DDX60L: variants seen among roughly 807,000 people sequenced by gnomAD.
DDX60L encodes probable ATP-dependent RNA helicase DDX60-like.
DDX60L carries 191 observed loss-of-function variants against 211.6 expected under a neutral mutation model. The observed-to-expected ratio is 0.90, with a 90% CI of 0.80 to 1.02. The LOEUF is 1.02. DDX60L is among the 50% of genes least tolerant of loss of function. DDX60L has a pLI of 0.00. For synonymous variants in DDX60L, 706 were observed against 694.1 expected, an observed-to-expected ratio of 1.02 and a Z score of -0.27; for missense variants, 2,007 against 1,984.1, an observed-to-expected ratio of 1.01 and a Z score of -0.22.
At chr4:168,373,889 C>A in intron 34 of DDX60L, 81 bp from the exon 35 acceptor site, 1 of 1,399,492 alleles carries the variant, frequency 7.1e-7, no homozygotes, top group South Asian at 1.3e-5. Flanking sequence ...GTAGGTCAAG[C>A]CACAGTAGGT....
At chr4:168,375,774 A>C (rs1470801592) in intron 33 of DDX60L, among the ~76,000 whole-genome samples, 1 of 152,200 alleles carries the variant, frequency 6.6e-6, no homozygotes, top group Non-Finnish European at 1.5e-5. Context: ...TAATAGAAAC[A>C]TGTCCTACAC....
chr4:168,448,631 GTAC>G lies in DDX60L; in HGVS notation c.1138+4_1138+6del. 1 of 1,518,310 alleles carries G rather than the reference GTAC, an allele frequency of 6.6e-7. No individual in the cohort carries two copies. Among genetic ancestry groups the G allele is most frequent in the Non-Finnish European group, 9.0e-7 (1 of 1,113,308 alleles). 94.1% of individuals were successfully genotyped at this position (1,518,310 alleles called of 1,614,324 possible). A position where few individuals can be genotyped will look rare whatever the true frequency, so the allele number is the denominator to read the frequency against. ...TGATATAATGTTAATGCATATTCAG[GTAC>G]TACCTTGAGTACTTTCAAATTCATA... is the stretch of plus-strand genomic sequence containing the variant. On this transcript the variant is annotated splice_donor_5th_base_variant and intron_variant, in intron 9 of 37. Coordinates refer to ENST00000682922, the MANE Select transcript of DDX60L (RefSeq NM_001012967.3).
intron 1 of DDX60L, among the ~76,000 whole-genome samples, chr4:168,474,130 T>A (rs886508198): frequency 6.6e-6 from 1 of 152,156 alleles, no homozygotes; most frequent in African/African-American, 2.4e-5. Context: ...ATTTTAAATA[T>A]TTAAAAGTTA....
intron 5 of DDX60L, among the ~76,000 whole-genome samples, chr4:168,459,936 G>A (rs546333562): frequency 6.6e-6 from 1 of 151,840 alleles, no homozygotes; most frequent in Non-Finnish European, 1.5e-5. Flanking sequence ...CTAAAAGCAT[G>A]ACAAACATCT....
Position 168,430,521 on chromosome 4 carries a change from C to T in DDX60L, c.1634G>A (p.Arg545Gln), listed in dbSNP as rs763258755. 1.1e-5 allele frequency: 17 copies of T among 1,609,254 alleles called. No homozygotes were observed. The highest frequency in any genetic ancestry group is 4.5e-5 in the South Asian group (4 of 89,806). Residue 545 changes from arginine to glutamine, a missense_variant, in exon 13 of 38, where the codon CGG (arginine) becomes CAG (glutamine). Physicochemically the swap from Arg to Gln is conservative, Grantham distance 43 (BLOSUM62 1). Coordinates refer to ENST00000682922, the MANE Select transcript of DDX60L (RefSeq NM_001012967.3). ...STKVIVTQTT[R>Q]PKEDSSGASG... is the part of the protein sequence containing the mutation. ...GGCACCACTGGAATCCTCCTTTGGC[C>T]GAGTAGTTTGAGTCACAATGACTTT...
At chr4:168,405,916 A>G in intron 24 of DDX60L, 34 bp downstream of exon 24, 1 of 1,524,688 alleles carries the variant, frequency 6.6e-7, no homozygotes, top group Non-Finnish European at 8.8e-7. Context: ...TTAACAATTA[A>G]GTGAAACTTT....
chr4:168,458,028 A>C lies in DDX60L; in HGVS notation c.607-20T>G. ...TTCATTCTGTAAAAGGGAGAAAACC[A>C]TATAAAATATCTTAAATAAAGTATT... On this transcript the variant is annotated intron_variant, in intron 5 of 37. Transcript: ENST00000682922. 7.4e-7 allele frequency: 1 copy of C among 1,354,162 alleles called. No individual in the cohort carries two copies. The highest frequency in any genetic ancestry group is 1.0e-6 in the Non-Finnish European group (1 of 994,036). The allele number at this position is 1,354,162 out of a possible 1,614,324, so 83.9% of individuals were successfully genotyped here.
At chr4:168,387,053 T>G (rs927910705) in intron 29 of DDX60L, among the ~76,000 whole-genome samples, 1 of 152,158 alleles carries the variant, frequency 6.6e-6, no homozygotes, top group East Asian at 1.9e-4. Context: ...CAGCACAGAA[T>G]AGAATACGGG....
chr4:168,456,156 T>C lies in DDX60L; in HGVS notation c.724-4A>G. On this transcript the variant is annotated splice_polypyrimidine_tract_variant and splice_region_variant and intron_variant, in intron 6 of 37. Coordinates refer to ENST00000682922, the MANE Select transcript of DDX60L (RefSeq NM_001012967.3). The stretch of plus-strand genomic sequence containing the variant: ...GCAGAAATAGAGTCTGATACGCCTA[T>C]CAAAAAAGAAATTTCTTCAAATGTC... 1 of 1,517,628 alleles carries C rather than the reference T, an allele frequency of 6.6e-7. No homozygotes were observed. The highest frequency in any genetic ancestry group is 2.5e-5 in the East Asian group (1 of 40,208). The allele number at this position is 1,517,628 out of a possible 1,614,324, so 94.0% of individuals were successfully genotyped here.
intron 36 of DDX60L, among the ~76,000 whole-genome samples, chr4:168,364,010 C>A (rs1694766914): frequency 6.6e-6 from 1 of 152,154 alleles, no homozygotes; most frequent in Non-Finnish European, 1.5e-5. Context: ...GTCCTAGCTA[C>A]TCAGGAGGCT....
intron 4 of DDX60L, among the ~76,000 whole-genome samples, chr4:168,471,147 G>C (rs1188173013): frequency 6.6e-6 from 1 of 152,148 alleles, no homozygotes; most frequent in South Asian, 2.1e-4. Context: ...CTGCAAATAA[G>C]TACCGAACTC....
rs376733200 is a variant in DDX60L, at chr4:168,375,380, T to C, written c.4630A>G (p.Ile1544Val). The C allele has an allele frequency of 5.0e-6, 8 of 1,611,626 alleles. No homozygotes were observed. The highest frequency in any genetic ancestry group is 2.2e-5 in the South Asian group (2 of 90,752). Residue 1544 changes from isoleucine to valine, a missense_variant, in exon 34 of 38, where the codon ATC becomes GTC. By Grantham distance (29) the Ile-to-Val change is conservative. Transcript: ENST00000682922. ...AATGGAACTAAAATCTGCTTACTGA[T>C]TCTTGACAAAGGGAGTTGATGCTCT... ...KKEHQLPLSR[I>V]KFTGKECEDS...
Position 168,427,239 on chromosome 4 carries a change from A to G in DDX60L, c.1761T>C (p.Asp587=), listed in dbSNP as rs192160383. The stretch of plus-strand genomic sequence containing the variant: ...CCTCTTCAATAGAAAACAGCAGATC[A>G]TCGTTTTGCTGAGCTTTGTTCTGAT... ...KEDQNKAQQN[D]DLLFSIEEEM... The change falls in exon 14 of 38, where the codon GAT becomes GAC. Residue 587 remains aspartate, a synonymous_variant. Transcript: ENST00000682922. 423 of 1,613,776 alleles carry G rather than the reference A, an allele frequency of 2.6e-4. 1 individual carries two copies. The African/African-American group carries it at 5.0e-3, about 19-fold the overall frequency.
chr4:168,422,969 T>TGTGTGTGTG (rs55786043), intron 15 of DDX60L, among the ~76,000 whole-genome samples: 281 of 133,048 alleles, frequency 2.1e-3, no homozygotes, highest in Non-Finnish European at 1.6e-3. Flanking sequence ...GTGGCTAATA[T>TGTGTGTGTG]TGTGTGTGTG....
At chr4:168,440,799 G>C (rs1224869261) in intron 10 of DDX60L, among the ~76,000 whole-genome samples, 1 of 152,110 alleles carries the variant, frequency 6.6e-6, no homozygotes, top group African/African-American at 2.4e-5. Flanking sequence ...CAATTCAATA[G>C]CCAATAGGAA....
chr4:168,381,973 A>T (rs1743045967), intron 30 of DDX60L, among the ~76,000 whole-genome samples: 1 of 152,144 alleles, frequency 6.6e-6, no homozygotes, highest in Non-Finnish European at 1.5e-5. Context: ...GGCCACTTTT[A>T]CATAGAACTG....
intron 37 of DDX60L, among the ~76,000 whole-genome samples, chr4:168,359,150 G>A (rs1387320): frequency 0.72 from 109,929 of 152,094 alleles, 40,779 homozygotes; most frequent in East Asian, 0.85. Flanking sequence ...CATCCTTTTC[G>A]TTTTCATGCT....
intron 28 of DDX60L, among the ~76,000 whole-genome samples, chr4:168,393,148 A>T (rs987027477): frequency 6.6e-6 from 1 of 152,164 alleles, no homozygotes; most frequent in Non-Finnish European, 1.5e-5. Context: ...TATTTTTATA[A>T]ACAGCAAGAA....
intron 37 of DDX60L, among the ~76,000 whole-genome samples, chr4:168,358,675 G>T (rs185116651): frequency 1.3e-5 from 2 of 151,606 alleles, no homozygotes. Flanking sequence ...GGGATTATAG[G>T]CACCCGGCTA....
Sources: gnomAD v4.1 joint callset for allele counts (sites outside exome capture counted in the v4.1 genomes callset) on GRCh38, gnomAD v4.1.1 for gene constraint, MANE v1.5 for transcripts, NCBI Gene and HGNC (gene_info 2026-07-23, HGNC 2026-07-21) for gene names.